The following SLC12A7 variants were observed in gnomAD, a reference collection of about 807,000 sequenced individuals.
SLC12A7 encodes K-Cl cotransporter 4.
In SLC12A7, 100 loss-of-function variants were observed where a neutral mutation model predicts 120.6. The observed-to-expected ratio is 0.83, with a 90% confidence interval of 0.71 to 0.98. The LOEUF is 0.98. Among genes scored for constraint, SLC12A7 ranks in the 50% least tolerant of loss-of-function variants. SLC12A7 has a pLI of 0.00. For missense variants in SLC12A7, 1,373 were observed against 1,548.1 expected (o/e 0.89, Z 1.90); for synonymous variants, 760 against 678.0 (o/e 1.12, Z -1.88).
At chr5:1,090,789 G>A (rs908099403) in intron 3 of SLC12A7, among the ~76,000 whole-genome samples, 2 of 152,238 alleles carry the variant, frequency 1.3e-5, no homozygotes, top group African/African-American at 4.8e-5. Context: ...GACTCCTCAC[G>A]GAAGGGCATG....
chr5:1,096,818 AAGGGAGGGAAGGAAGGAGGG>A (rs1741271656), intron 1 of SLC12A7, among the ~76,000 whole-genome samples: 1 of 37,318 alleles, frequency 2.7e-5, no homozygotes, highest in Non-Finnish European at 5.4e-5. Flanking sequence ...GGAAGGAGGG[AAGGGAGGGAAGGAAGGAGGG>A]AGGGAGGGAA....
chr5:1,074,861 A>G (rs1738147096), intron 15 of SLC12A7, among the ~76,000 whole-genome samples, 190 bp from the exon 16 acceptor site: 1 of 152,188 alleles, frequency 6.6e-6, no homozygotes, highest in African/African-American at 2.4e-5. Flanking sequence ...CCACCGGGTC[A>G]GAGGGTGCTG....
At chr5:1,095,130 G>A (rs1740997162) in intron 1 of SLC12A7, among the ~76,000 whole-genome samples, 1 of 151,638 alleles carries the variant, frequency 6.6e-6, no homozygotes, top group Non-Finnish European at 1.5e-5. Context: ...GGCCTCAGCA[G>A]CAGAGCTGTC....
chr5:1,119,460 G>A, the SLC12A7 span, among the ~76,000 whole-genome samples: 11 of 152,226 alleles, frequency 7.2e-5, no homozygotes, highest in African/African-American at 2.4e-4. Flanking sequence ...CCCGGGTGAC[G>A]CCGAGGTTAC....
chr5:1,083,752 G>A lies in SLC12A7; in HGVS notation c.1122C>T (p.Val374=). 13 of 1,612,380 alleles carry A rather than the reference G, an allele frequency of 8.1e-6. No individual in the cohort carries two copies. Among genetic ancestry groups the A allele is most frequent in the Non-Finnish European group, 9.3e-6 (11 of 1,179,892 alleles). The change falls in exon 8 of 24, where the codon GTC becomes GTT. Residue 374 remains valine, a synonymous_variant. Coordinates refer to ENST00000264930, the MANE Select transcript of SLC12A7 (RefSeq NM_006598.3). The stretch of plus-strand genomic sequence containing the variant: ...CAGCCCTGTGAGCCTCACCCAGGAA[G>A]ACACCACTGGCCGCGCCCGGGATGC... ...IQGIPGAASG[V]FLENLWSTYA...
At chr5:1,133,329 C>A in the SLC12A7 span, among the ~76,000 whole-genome samples, 1 of 152,202 alleles carries the variant, frequency 6.6e-6, no homozygotes, top group African/African-American at 2.4e-5. Flanking sequence ...AACCCCCCGA[C>A]CTCCTCAGGA....
chr5:1,079,494 T>C lies in SLC12A7; in HGVS notation c.1300A>G (p.Ile434Val), dbSNP rs1202782616. The C allele has an allele frequency of 6.2e-7, 1 of 1,611,818 alleles. No individual in the cohort carries two copies. Among genetic ancestry groups the C allele is most frequent in the East Asian group, 2.2e-5 (1 of 44,886 alleles). ...VGIYFPSVTG[I>V]MAGSNRSGDL... ...CCGGACCGGTTTGAACCCGCCATGA[T>C]ACCTGTGAACATGGAAAATGCTGCA... Residue 434 changes from isoleucine (I) to valine (V), a missense_variant and splice_region_variant, in exon 10 of 24, where the codon ATC (isoleucine) becomes GTC (valine). By Grantham distance (29) the Ile-to-Val change is conservative. Transcript: ENST00000264930.
At chr5:1,091,781 T>C (rs921128984) in intron 3 of SLC12A7, among the ~76,000 whole-genome samples, 3 of 151,118 alleles carry the variant, frequency 2.0e-5, no homozygotes, top group African/African-American at 7.3e-5. Context: ...AGAAAGGTGC[T>C]GAGTGCTGAG....
At chr5:1,055,746 C>T (rs1418553464) in intron 22 of SLC12A7, among the ~76,000 whole-genome samples, 1 of 152,242 alleles carries the variant, frequency 6.6e-6, no homozygotes, top group African/African-American at 2.4e-5. Context: ...AACCCTACTC[C>T]TGGGTCTACG....
At chr5:1,154,629 G>C in the SLC12A7 span, among the ~76,000 whole-genome samples, 2 of 152,214 alleles carry the variant, frequency 1.3e-5, no homozygotes, top group Non-Finnish European at 2.9e-5. Context: ...AGCCTGAGAT[G>C]CTCGCTCCTC....
chr5:1,125,268 AGTGTGT>A, the SLC12A7 span, among the ~76,000 whole-genome samples: 132 of 150,474 alleles, frequency 8.8e-4, no homozygotes, highest in African/African-American at 2.7e-3. Flanking sequence ...TTTAAACGAA[AGTGTGT>A]GTGTGTGTGT....
At position 1,073,716 on chromosome 5, in the gene SLC12A7, C is replaced by T; in HGVS notation, c.2158G>A (p.Ala720Thr). The T allele has an allele frequency of 6.3e-7, 1 of 1,579,964 alleles. No homozygotes were observed. Among genetic ancestry groups the T allele is most frequent in the Non-Finnish European group, 8.6e-7 (1 of 1,161,120 alleles). Reference protein sequence around the residue: ...RLLSFTSQLKAGKGLTIVGSV... With the variant: ...RLLSFTSQLKTGKGLTIVGSV... ...CCCACGATGGTCAGGCCCTTGCCGG[C>T]CTTCAGCTGCGACGTGAAGGACAGC... is the stretch of plus-strand genomic sequence containing the variant. Residue 720 changes from alanine to threonine, a missense_variant, in exon 17 of 24, where the codon GCC becomes ACC. Coordinates refer to ENST00000264930, the MANE Select transcript of SLC12A7 (RefSeq NM_006598.3).
chr5:1,093,721 C>T (rs1187521019), intron 2 of SLC12A7, 66 bp from the exon 3 acceptor site: 24 of 1,598,162 alleles, frequency 1.5e-5, no homozygotes, highest in Non-Finnish European at 1.8e-5. Flanking sequence ...CCTCCCTCCC[C>T]GTGTTCAGGG....
chr5:1,069,458 G>C (rs1737412040), intron 17 of SLC12A7, among the ~76,000 whole-genome samples: 1 of 152,242 alleles, frequency 6.6e-6, no homozygotes, highest in Admixed American at 6.5e-5. Flanking sequence ...CCCAGTGGGG[G>C]CCTGGCAGCA....
chr5:1,064,799 GACGGCGAGGGGACAGTGAGGGA>G (rs1202492251), intron 18 of SLC12A7, among the ~76,000 whole-genome samples: 1 of 149,346 alleles, frequency 6.7e-6, no homozygotes, highest in Non-Finnish European at 1.5e-5. Context: ...ACAGCGAGGA[GACGGCGAGGGGACAGTGAGGGA>G]ACGGCGAGGG....
At chr5:1,061,522 A>ATCCGCCATGCGGGACC (rs1179992747) in intron 20 of SLC12A7, among the ~76,000 whole-genome samples, 7 of 128,958 alleles carry the variant, frequency 5.4e-5, no homozygotes, top group African/African-American at 2.1e-4. Flanking sequence ...CACCCGCCGC[A>ATCCGCCATGCGGGACC]CCTGCCGCAT....
At chr5:1,084,102 C>A (rs917835115) in intron 7 of SLC12A7, 146 bp from the exon 8 acceptor site, 1 of 686,834 alleles carries the variant, frequency 1.5e-6, no homozygotes, top group Non-Finnish European at 2.5e-6. Flanking sequence ...GGCCACAGAT[C>A]ACGCCAGGGA....
intron 3 of SLC12A7, among the ~76,000 whole-genome samples, chr5:1,092,346 G>A (rs1740617912): frequency 6.6e-6 from 1 of 152,188 alleles, no homozygotes; most frequent in Admixed American, 6.5e-5. Flanking sequence ...ATGCAGGGGA[G>A]GGCAAGGAGC....
chr5:1,093,411 CGT>C, intron 3 of SLC12A7, 120 bp downstream of exon 3: 1 of 989,924 alleles, frequency 1.0e-6, no homozygotes. Context: ...AAGGGCTGGA[CGT>C]GGCCATGATA....
Sources: allele counts gnomAD v4.1 joint callset (sites outside exome capture counted in the v4.1 genomes callset), GRCh38; gene constraint gnomAD v4.1.1; transcripts MANE v1.5; gene names NCBI Gene and HGNC (gene_info 2026-07-23, HGNC 2026-07-21).